Variants in GOLGB1 observed in about 807,000 individuals in gnomAD.
GOLGB1 encodes the protein golgin B1, also known as golgin subfamily B member 1.
A neutral mutation model predicts 336.9 loss-of-function variants in GOLGB1; 174 were observed. The ratio of observed to expected loss-of-function variants is 0.52; its 90% confidence interval spans 0.46 to 0.59. The LOEUF (loss-of-function observed/expected upper bound fraction) is 0.59. Among genes scored for constraint, GOLGB1 ranks in the 20% least tolerant of loss-of-function variants. The pLI is 0.00. For synonymous variants in GOLGB1, 1,208 were observed against 1,289.2 expected, an observed-to-expected ratio of 0.94 and a Z score of 1.35; for missense variants, 3,331 against 3,645.3, an observed-to-expected ratio of 0.91 and a Z score of 2.22.
intron 1 of GOLGB1, among the ~76,000 whole-genome samples, chr3:121,741,285 T>C (rs1309380901): frequency 6.6e-6 from 1 of 152,106 alleles, no homozygotes; most frequent in African/African-American, 2.4e-5. Context: ...GCATTAAATA[T>C]ACGGTTACTA....
intron 13 of GOLGB1, among the ~76,000 whole-genome samples, 173 bp downstream of exon 13, chr3:121,693,568 G>C (rs1942660778): frequency 6.6e-6 from 1 of 152,180 alleles, no homozygotes; most frequent in African/African-American, 2.4e-5. Context: ...TGTTCATGCA[G>C]TTGTAGCAGG....
Position 121,685,019 on chromosome 3 carries a change from A to G in GOLGB1, c.8695-3154T>C, listed in dbSNP as rs182535561. 9.8e-5 allele frequency among the ~76,000 whole-genome samples: 15 copies of G among 152,330 alleles called. 1 individual carries two copies. Among genetic ancestry groups the G allele is most frequent in the South Asian group, 4.2e-4 (2 of 4,818 alleles). ...TTGAAAGGAGATGTGGACAAATGGC[A>G]GTAAATCTGAGGTTAAATTACATTA... On this transcript the variant is annotated intron_variant, in intron 14 of 21. Coordinates refer to ENST00000614479, the MANE Select transcript of GOLGB1 (RefSeq NM_001366282.2).
chr3:121,671,176 G>C (rs575919590), intron 17 of GOLGB1, among the ~76,000 whole-genome samples: 1 of 152,312 alleles, frequency 6.6e-6, no homozygotes, highest in African/African-American at 2.4e-5. Context: ...AAAGTTTGCT[G>C]ACCTCTCCTC....
intron 3 of GOLGB1, 30 bp downstream of exon 3, chr3:121,729,835 C>G: frequency 6.4e-7 from 1 of 1,550,770 alleles, no homozygotes; most frequent in East Asian, 2.2e-5. Flanking sequence ...TTATCAAATG[C>G]TCCACAAGAA....
chr3:121,724,863 A>C (rs1945460470), intron 5 of GOLGB1, among the ~76,000 whole-genome samples: 1 of 152,188 alleles, frequency 6.6e-6, no homozygotes, highest in African/African-American at 2.4e-5. Context: ...ACTTCAGGAT[A>C]CTGCTCCTTG....
intron 17 of GOLGB1, among the ~76,000 whole-genome samples, chr3:121,673,401 G>T (rs1939851474): frequency 6.6e-6 from 1 of 152,064 alleles, no homozygotes; most frequent in African/African-American, 2.4e-5. Flanking sequence ...GATTGCTTTG[G>T]CTAGTTAGGA....
rs2107832668 is a variant in GOLGB1 at position 121,695,594 on chromosome 3, A to C, written c.4929T>G (p.Ala1643=). Residue 1643 remains alanine, a synonymous_variant, in exon 13 of 22, where the codon GCT becomes GCG. Transcript: ENST00000614479. ...EAERIQHVVE[A]VRQEKQELYG... The stretch of plus-strand genomic sequence containing the variant: ...ACAGTTCTTGTTTCTCTTGCCTCAC[A>C]GCTTCCACCACATGCTGAATCCTTT... 2 of 1,613,910 alleles carry C rather than the reference A, an allele frequency of 1.2e-6. No homozygotes were observed. The highest frequency in any genetic ancestry group is 1.1e-5 in the South Asian group (1 of 91,074).
chr3:121,730,291 AGTAAGG>A (rs1221035239), intron 2 of GOLGB1: 1 of 300,528 alleles, frequency 3.3e-6, no homozygotes, highest in Non-Finnish European at 6.1e-6. Flanking sequence ...ATCATAAACC[AGTAAGG>A]GTAAAAGGCC....
Position 121,719,712 on chromosome 3 carries a change from A to G in GOLGB1, c.705T>C (p.Val235=). Residue 235 remains valine, a synonymous_variant, in exon 7 of 22, where the codon GTT becomes GTC. Coordinates refer to ENST00000614479, the MANE Select transcript of GOLGB1 (RefSeq NM_001366282.2). ...GAAGAAGCTCATCTTCATGAAGACG[A>G]ACTTGTGTTTCAAAGCGGGCATCTT... ...REKDARFETQ[V]RLHEDELLQL... The G allele has an allele frequency of 1.9e-6, 3 of 1,610,958 alleles. No individual in the cohort carries two copies. The highest frequency in any genetic ancestry group is 1.3e-5 in the African/African-American group (1 of 74,772).
intron 7 of GOLGB1, 86 bp downstream of exon 7, chr3:121,719,560 A>G (rs1375480103): frequency 6.2e-6 from 6 of 974,592 alleles, no homozygotes; most frequent in Non-Finnish European, 7.4e-6. Context: ...CCAAGTGAAG[A>G]GCAGTGGGTA....
intron 1 of GOLGB1, among the ~76,000 whole-genome samples, chr3:121,735,053 A>G (rs1946385449): frequency 6.6e-6 from 1 of 152,238 alleles, no homozygotes; most frequent in Non-Finnish European, 1.5e-5. Flanking sequence ...GATATACATC[A>G]TATTATTCTA....
chr3:121,747,315 ATATATGTG>A (rs1947399586), intron 1 of GOLGB1, among the ~76,000 whole-genome samples: 3 of 143,330 alleles, frequency 2.1e-5, no homozygotes, highest in Non-Finnish European at 3.0e-5. Context: ...GTATATATGT[ATATATGTG>A]TATATACGTA....
At chr3:121,738,195 CTAACT>C (rs1296350571) in intron 1 of GOLGB1, among the ~76,000 whole-genome samples, 1 of 152,080 alleles carries the variant, frequency 6.6e-6, no homozygotes. Flanking sequence ...ATAATGGAAC[CTAACT>C]TATCAAACAG....
Position 121,736,624 on chromosome 3 carries a change from C to T in GOLGB1, c.-2-5651G>A, listed in dbSNP as rs72957209. 4.4e-3 allele frequency among the ~76,000 whole-genome samples: 675 copies of T among 152,228 alleles called. 5 individuals are homozygous for T. The highest frequency in any genetic ancestry group is 0.015 in the African/African-American group (636 of 41,548). On this transcript the variant is annotated intron_variant, in intron 1 of 21. Transcript: ENST00000614479. ...CATGCTGATTAAATGCAAAGTAGGCCGGGCACAGTGTCTCACGCCTGTAAT... is the reference window on the plus strand; with the variant it reads ...CATGCTGATTAAATGCAAAGTAGGCTGGGCACAGTGTCTCACGCCTGTAAT...
intron 14 of GOLGB1, among the ~76,000 whole-genome samples, chr3:121,682,080 T>A (rs1941143617): frequency 6.6e-6 from 1 of 152,214 alleles, no homozygotes; most frequent in Admixed American, 6.5e-5. Context: ...CCATCAAGGC[T>A]ACAGGGTGTG....
In GOLGB1 at chr3:121,695,446, TCTG is replaced by T. The variant is rs1483593921; in HGVS notation, c.5074_5076del (p.Gln1692del). ...TTCTCTTCTTCCAGCTCTAGGATTT[TCTG>T]CTGTTTAGATTTAGCAAACTTTCTC... is the stretch of plus-strand genomic sequence containing the variant. On this transcript the variant is annotated inframe_deletion, in exon 13 of 22. Transcript: ENST00000614479. 1.2e-6 allele frequency: 2 copies of T among 1,614,054 alleles called. No individual in the cohort carries two copies. Among genetic ancestry groups the T allele is most frequent in the African/African-American group, 1.3e-5 (1 of 74,930 alleles).
chr3:121,675,923 C>T (rs1940312858), intron 17 of GOLGB1, among the ~76,000 whole-genome samples: 1 of 151,916 alleles, frequency 6.6e-6, no homozygotes, highest in Non-Finnish European at 1.5e-5. Context: ...AGTTAGTTGA[C>T]GGAAAAAAGA....
rs769394645 is a variant in GOLGB1, at chr3:121,695,703, G to A, written c.4820C>T (p.Thr1607Ile). ...CTCCTTGTGTTTCTCTTGCCACTCAGTACTTTCTGCAATCTTAGAAGATTT... is the reference window on the plus strand; with the variant it reads ...CTCCTTGTGTTTCTCTTGCCACTCAATACTTTCTGCAATCTTAGAAGATTT... ...SLKSSKIAES[T>I]EWQEKHKELQ... Residue 1607 changes from threonine to isoleucine, a missense_variant, in exon 13 of 22, where the codon ACT becomes ATT. Physicochemically the swap from Thr to Ile is moderately conservative, Grantham distance 89. Transcript: ENST00000614479. 4 of 1,611,494 alleles carry A rather than the reference G, an allele frequency of 2.5e-6. No homozygotes were observed. Among genetic ancestry groups the A allele is most frequent in the African/African-American group, 1.3e-5 (1 of 74,982 alleles).
chr3:121,684,647 T>G (rs534201341), intron 14 of GOLGB1, among the ~76,000 whole-genome samples: 1 of 152,198 alleles, frequency 6.6e-6, no homozygotes, highest in East Asian at 1.9e-4. Flanking sequence ...AACCAATGTC[T>G]TCACAATTTT....
Sources: allele counts gnomAD v4.1 joint callset (sites outside exome capture counted in the v4.1 genomes callset), GRCh38; gene constraint gnomAD v4.1.1; transcripts MANE v1.5; gene names NCBI Gene and HGNC (gene_info 2026-07-23, HGNC 2026-07-21).